The following PSMD11 variants were observed in gnomAD, a reference collection of about 807,000 sequenced individuals.
PSMD11 encodes the protein 26S proteasome non-ATPase regulatory subunit 11.
PSMD11 carries 5 observed loss-of-function variants against 62.3 expected under a neutral mutation model. That is an observed-to-expected ratio of 0.08 (90% confidence interval 0.04 to 0.17). The LOEUF (loss-of-function observed/expected upper bound fraction) is 0.17, where lower values mean the gene tolerates loss of function less well. Ranked by LOEUF, PSMD11 falls within the 10% of genes least tolerant of loss-of-function variation. The pLI, the probability that PSMD11 is intolerant of heterozygous loss-of-function variation, is 1.00. For missense variants in PSMD11, 310 were observed against 512.9 expected, an observed-to-expected ratio of 0.60 and a Z score of 3.82; for synonymous variants, 191 against 191.8, an observed-to-expected ratio of 1.00 and a Z score of 0.03.
intron 10 of PSMD11, 92 bp downstream of exon 10, chr17:32,479,468 A>G: frequency 2.0e-6 from 3 of 1,517,216 alleles, no homozygotes; most frequent in East Asian, 2.3e-5. Flanking sequence ...ACTCACTTCT[A>G]GGGGTGTGCC....
intron 2 of PSMD11, among the ~76,000 whole-genome samples, chr17:32,451,935 GC>G (rs1907513862): frequency 6.6e-6 from 1 of 152,068 alleles, no homozygotes; most frequent in Admixed American, 6.6e-5. Context: ...TCGCCATATT[GC>G]CCAGGCTGGT....
At chr17:32,456,387 T>C (rs181891603) in intron 3 of PSMD11, among the ~76,000 whole-genome samples, 2 of 151,990 alleles carry the variant, frequency 1.3e-5, no homozygotes, top group African/African-American at 4.8e-5. Flanking sequence ...TTTTTTTTTA[T>C]TGGTGACAGA....
At chr17:32,472,768 C>T (rs993207999) in intron 6 of PSMD11, among the ~76,000 whole-genome samples, 2 of 151,396 alleles carry the variant, frequency 1.3e-5, no homozygotes, top group East Asian at 3.9e-4. Flanking sequence ...AAATCCTGAC[C>T]TCAGATGACC....
At chr17:32,449,171 G>A (rs940711895) in intron 2 of PSMD11, among the ~76,000 whole-genome samples, 7 of 152,206 alleles carry the variant, frequency 4.6e-5, no homozygotes, top group African/African-American at 1.7e-4. Flanking sequence ...TTGGTAGGCT[G>A]AGGTAGGAGG....
intron 3 of PSMD11, among the ~76,000 whole-genome samples, chr17:32,458,496 TG>T (rs1907714574): frequency 6.6e-6 from 1 of 152,250 alleles, no homozygotes; most frequent in African/African-American, 2.4e-5. Context: ...GACTTTAATG[TG>T]GTTTTAACTC....
At chr17:32,472,249 G>A (rs1908184879) in intron 6 of PSMD11, among the ~76,000 whole-genome samples, 1 of 149,198 alleles carries the variant, frequency 6.7e-6, no homozygotes, top group African/African-American at 2.5e-5. Flanking sequence ...TTGAGACAGT[G>A]TCTTGCTCTG....
At position 32,480,604 on chromosome 17, in the gene PSMD11, C is replaced by T; in HGVS notation, c.1242C>T (p.Leu414=). Residue 414 remains leucine (L), a synonymous_variant, in exon 13 of 14, where the codon CTC becomes CTT. Transcript: ENST00000261712. Reference sequence around the variant, plus strand: ...ACATGAGCAAAGTAGTGGATTCCCTCTACAACAAAGCCAAGAAACTGACAT... The same window carrying T: ...ACATGAGCAAAGTAGTGGATTCCCTTTACAACAAAGCCAAGAAACTGACAT... ...IQNMSKVVDS[L]YNKAKKLT 1 of 1,614,138 alleles carries T rather than the reference C, an allele frequency of 6.2e-7. No individual in the cohort carries two copies.
chr17:32,458,796 T>A (rs1907724091), intron 3 of PSMD11, among the ~76,000 whole-genome samples: 1 of 152,218 alleles, frequency 6.6e-6, no homozygotes, highest in Admixed American at 6.5e-5. Flanking sequence ...GGGACATTCA[T>A]ATACATATGG....
chr17:32,474,498 C>G (rs4132611), intron 7 of PSMD11, among the ~76,000 whole-genome samples: 2 of 152,260 alleles, frequency 1.3e-5, no homozygotes, highest in South Asian at 2.1e-4. Flanking sequence ...ACTTATAGTT[C>G]TGCTTGTTGT....
At chr17:32,475,698 A>G (rs1481902786) in intron 8 of PSMD11, among the ~76,000 whole-genome samples, 1 of 150,072 alleles carries the variant, frequency 6.7e-6, no homozygotes, top group Non-Finnish European at 1.5e-5. Context: ...TCCCAGTTTG[A>G]AGTGATTCTC....
At chr17:32,449,106 A>G (rs771373756) in intron 2 of PSMD11, among the ~76,000 whole-genome samples, 24 of 152,194 alleles carry the variant, frequency 1.6e-4, no homozygotes, top group Non-Finnish European at 3.5e-4. Context: ...AGTGATGTGA[A>G]AATTTTTTTT....
At chr17:32,461,493 C>T (rs1379182390) in intron 3 of PSMD11, among the ~76,000 whole-genome samples, 4 of 151,696 alleles carry the variant, frequency 2.6e-5, no homozygotes, top group Non-Finnish European at 5.9e-5. Flanking sequence ...AGTGCTTGAA[C>T]CCAGGAGGTG....
At chr17:32,473,031 G>A (rs550200997) in intron 6 of PSMD11, among the ~76,000 whole-genome samples, 2 of 151,010 alleles carry the variant, frequency 1.3e-5, no homozygotes, top group African/African-American at 4.8e-5. Flanking sequence ...GGTAGTGGGT[G>A]CCTGTAATCC....
intron 5 of PSMD11, among the ~76,000 whole-genome samples, chr17:32,467,507 A>C (rs1908031337): frequency 6.6e-6 from 1 of 152,100 alleles, no homozygotes; most frequent in Admixed American, 6.5e-5. Flanking sequence ...TGGCCTCCCA[A>C]AGTGCTGGGA....
rs534689352 is a variant in PSMD11 at position 32,451,413 on chromosome 17, A to G, written c.194-3082A>G. 1.6e-4 allele frequency among the ~76,000 whole-genome samples: 24 copies of G among 152,326 alleles called. No individual in the cohort carries two copies. In the South Asian group the frequency reaches 1.7e-3, roughly 11 times the overall value. On this transcript the variant is annotated intron_variant, in intron 2 of 13. Transcript: ENST00000261712. ...AAATAAGTTCAGGTCTCTAGGCTCT[A>G]ACAGTTTCTTTTATTATCAAAAAAA...
At chr17:32,472,041 A>G (rs1347416111) in intron 6 of PSMD11, among the ~76,000 whole-genome samples, 2 of 151,890 alleles carry the variant, frequency 1.3e-5, no homozygotes, top group Non-Finnish European at 2.9e-5. Flanking sequence ...ACGCCTGGCT[A>G]ATTTTTTGTA....
intron 6 of PSMD11, among the ~76,000 whole-genome samples, chr17:32,473,002 C>T (rs922117793): frequency 2.7e-5 from 4 of 150,776 alleles, no homozygotes; most frequent in African/African-American, 9.7e-5. Context: ...ACTAAAAATA[C>T]AAAAAATTAG....
chr17:32,477,220 C>T (rs557701822), intron 8 of PSMD11: 13 of 292,740 alleles, frequency 4.4e-5, no homozygotes, highest in Admixed American at 3.5e-4. Context: ...TCACAGTTCT[C>T]TTGTCATTTT....
intron 2 of PSMD11, 46 bp downstream of exon 2, chr17:32,447,092 C>T: frequency 6.9e-7 from 1 of 1,445,198 alleles, no homozygotes; most frequent in Non-Finnish European, 9.6e-7. Context: ...AGTGAAATTC[C>T]TGTCTTTTGT....
Sources: gnomAD v4.1 joint callset for allele counts (sites outside exome capture counted in the v4.1 genomes callset) on GRCh38, gnomAD v4.1.1 for gene constraint, MANE v1.5 for transcripts, NCBI Gene and HGNC (gene_info 2026-07-23, HGNC 2026-07-21) for gene names.